GALP: variants seen among roughly 807,000 people sequenced by gnomAD.
GALP encodes the protein galanin like peptide.
GALP carries 12 observed loss-of-function variants against 15.2 expected under a neutral mutation model. The observed-to-expected ratio is 0.79, with a 90% CI of 0.51 to 1.28. The LOEUF is 1.28. GALP is among the 50% of genes most tolerant of loss of function. GALP has a pLI of 0.00. For missense variants in GALP, 161 were observed against 145.6 expected (o/e 1.11, Z -0.55); for synonymous variants, 58 against 55.1 (o/e 1.05, Z -0.23).
intron 2 of GALP, 115 bp from the exon 3 acceptor site, chr19:56,180,471 A>T: frequency 1.2e-6 from 1 of 830,838 alleles, no homozygotes; most frequent in Non-Finnish European, 2.1e-6. Flanking sequence ...ATTGAAATGA[A>T]CCTGCTCCAC....
chr19:56,182,049 C>A, intron 3 of GALP, 123 bp from the exon 4 acceptor site: 1 of 729,188 alleles, frequency 1.4e-6, no homozygotes, highest in Non-Finnish European at 2.5e-6. Flanking sequence ...AACACGCACC[C>A]CGTCCGACAG....
intron 5 of GALP, 28 bp downstream of exon 5, chr19:56,183,240 C>T (rs780273695): frequency 3.2e-6 from 5 of 1,544,828 alleles, no homozygotes; most frequent in African/African-American, 2.7e-5. Flanking sequence ...AGAAGAGAGA[C>T]ACCGACAGGA....
At chr19:56,177,242 C>G in intron 2 of GALP, 47 bp downstream of exon 2, 2 of 1,486,710 alleles carry the variant, frequency 1.3e-6, no homozygotes, top group South Asian at 2.3e-5. Flanking sequence ...CCCCAAATCC[C>G]TGCCCTCTGG....
At chr19:56,178,866 A>C (rs1264924702) in intron 2 of GALP, among the ~76,000 whole-genome samples, 1 of 152,140 alleles carries the variant, frequency 6.6e-6, no homozygotes. Flanking sequence ...TTCAGTGCAC[A>C]TCCTCCTTAA....
rs541821181 is a variant in GALP, at chr19:56,177,145, G to T, written c.37G>T (p.Val13Phe). The change falls in exon 2 of 6, where the codon GTC becomes TTC. Residue 13 changes from valine (V) to phenylalanine (F), a missense_variant. Transcript: ENST00000357330. ...PPSVPLVLLL[V>F]LLLSLAETPA... ...CTCCGTCCCCCTGGTCCTCCTCCTC[G>T]TCCTCTTGCTGAGCCTGGCAGAGAC... The T allele has an allele frequency of 6.2e-7, 1 of 1,613,448 alleles. No individual in the cohort carries two copies. Among genetic ancestry groups the T allele is most frequent in the Non-Finnish European group, 8.5e-7 (1 of 1,179,852 alleles).
chr19:56,176,543 C>T (rs12985509), intron 1 of GALP, among the ~76,000 whole-genome samples: 1,143 of 88,508 alleles, frequency 0.013, 63 homozygotes, highest in African/African-American at 0.053. Flanking sequence ...GGCAGAGGGG[C>T]GGATGCCAGC....
At chr19:56,176,824 G>A (rs1489090623) in intron 1 of GALP, among the ~76,000 whole-genome samples, 1 of 134,736 alleles carries the variant, frequency 7.4e-6, no homozygotes, top group East Asian at 3.5e-4. Flanking sequence ...TGAAGATGGA[G>A]TGGTGGAGGC....
chr19:56,183,017 C>A, intron 4 of GALP, 118 bp from the exon 5 acceptor site: 1 of 704,614 alleles, frequency 1.4e-6, no homozygotes, highest in African/African-American at 1.7e-5. Flanking sequence ...TCCCCCTGCT[C>A]CACCCTCGGG....
chr19:56,185,449 G>A lies in GALP; in HGVS notation c.*179G>A. 1 of 491,948 alleles carries A rather than the reference G, an allele frequency of 2.0e-6. No individual in the cohort carries two copies. Among genetic ancestry groups the A allele is most frequent in the Non-Finnish European group, 3.5e-6 (1 of 282,984 alleles). The allele number at this position is 491,948 out of a possible 1,614,324, so 30.5% of individuals were successfully genotyped here. A position where few individuals can be genotyped will look rare whatever the true frequency, so the allele number is the denominator to read the frequency against. ...TTTCTGGAGTTTCTTAGGTTTTATT[G>A]ATTCATCCTTGAAATCAGTATAATG... is the stretch of plus-strand genomic sequence containing the variant. On this transcript the variant is annotated 3_prime_UTR_variant, in exon 6 of 6. Transcript: ENST00000357330.
chr19:56,181,111 A>G (rs934547158), intron 3 of GALP, among the ~76,000 whole-genome samples: 5 of 151,418 alleles, frequency 3.3e-5, no homozygotes, highest in Admixed American at 6.6e-5. Flanking sequence ...CATTTTTAGT[A>G]GAGATGGGGT....
At chr19:56,182,571 T>C (rs912198500) in intron 4 of GALP, among the ~76,000 whole-genome samples, 2 of 152,184 alleles carry the variant, frequency 1.3e-5, no homozygotes, top group Non-Finnish European at 2.9e-5. Flanking sequence ...TTTAGTTGTA[T>C]GACTCAGTGA....
chr19:56,180,442 C>A, intron 2 of GALP, 144 bp from the exon 3 acceptor site: 1 of 657,110 alleles, frequency 1.5e-6, no homozygotes. Flanking sequence ...TCCTCAATTT[C>A]CTCATCGGTG....
intron 2 of GALP, among the ~76,000 whole-genome samples, chr19:56,178,741 T>C (rs926410553): frequency 2.0e-5 from 3 of 152,200 alleles, no homozygotes; most frequent in Non-Finnish European, 4.4e-5. Flanking sequence ...TTCTCAGCGC[T>C]TGGCGTTGTG....
intron 2 of GALP, among the ~76,000 whole-genome samples, chr19:56,179,393 T>C (rs56692895): frequency 0.28 from 41,176 of 149,272 alleles, 7,468 homozygotes; most frequent in African/African-American, 0.51. Context: ...CTGCAAGCTC[T>C]GCCTCCCAGG....
At chr19:56,177,025 C>T (rs1255084998) in intron 1 of GALP, 45 bp from the exon 2 acceptor site, 4 of 964,450 alleles carry the variant, frequency 4.1e-6, no homozygotes, top group Non-Finnish European at 4.8e-6. Context: ...CGGAAATGCA[C>T]CTGGCCCCCG....
chr19:56,177,546 C>T (rs1328324104), intron 2 of GALP, among the ~76,000 whole-genome samples: 1 of 151,338 alleles, frequency 6.6e-6, no homozygotes, highest in Non-Finnish European at 1.5e-5. Context: ...TGGGGTTTCA[C>T]CATGTTGGCT....
At chr19:56,183,254 G>A in intron 5 of GALP, 42 bp downstream of exon 5, 2 of 1,493,390 alleles carry the variant, frequency 1.3e-6, no homozygotes, top group South Asian at 1.1e-5. Flanking sequence ...GACAGGAGAG[G>A]GGGAACAAGG....
chr19:56,177,795 G>A (rs2032491342), intron 2 of GALP, among the ~76,000 whole-genome samples: 1 of 152,168 alleles, frequency 6.6e-6, no homozygotes, highest in African/African-American at 2.4e-5. Context: ...TGGTCTCTGA[G>A]TGGATCTTCT....
intron 4 of GALP, 34 bp downstream of exon 4, chr19:56,182,286 C>T (rs769772853): frequency 2.4e-5 from 36 of 1,508,742 alleles, no homozygotes; most frequent in African/African-American, 4.1e-5. Context: ...TCTTCTCCTG[C>T]GTCCTCCCCT....
Sources: gnomAD v4.1 joint callset for allele counts (sites outside exome capture counted in the v4.1 genomes callset) on GRCh38, gnomAD v4.1.1 for gene constraint, MANE v1.5 for transcripts, NCBI Gene and HGNC (gene_info 2026-07-23, HGNC 2026-07-21) for gene names.